ARPC1A: variants seen among roughly 807,000 people sequenced by gnomAD.
ARPC1A encodes the protein actin related protein 2/3 complex subunit 1A, also known as actin-related protein 2/3 complex subunit 1A.
ARPC1A carries 8 observed loss-of-function variants against 46.9 expected under a neutral mutation model. The ratio of observed to expected loss-of-function variants is 0.17; its 90% confidence interval spans 0.10 to 0.31. ARPC1A has a LOEUF of 0.31. ARPC1A is among the 10% of genes least tolerant of loss of function. The pLI, the probability that ARPC1A is intolerant of heterozygous loss-of-function variation, is 1.00. For missense variants in ARPC1A, 286 were observed against 483.6 expected (o/e 0.59, Z 3.83); for synonymous variants, 152 against 169.0 (o/e 0.90, Z 0.78).
chr7:99,361,019 C>T (rs1284662646), intron 8 of ARPC1A, among the ~76,000 whole-genome samples: 8 of 151,438 alleles, frequency 5.3e-5, no homozygotes, highest in African/African-American at 1.9e-4. Flanking sequence ...GAGTTGGGTC[C>T]CATGGGATTT....
At position 99,352,916 on chromosome 7, in the gene ARPC1A, A is replaced by T. The variant is rs575114201; in HGVS notation, c.501-993A>T. ...GAGGCGGAGGTTGTGGTGAGCCAGG[A>T]TCATGCCATTGCACTCCAGCCTGGG... On this transcript the variant is annotated intron_variant, in intron 5 of 9. Coordinates refer to ENST00000262942, the MANE Select transcript of ARPC1A (RefSeq NM_006409.4). 3.3e-5 allele frequency among the ~76,000 whole-genome samples: 5 copies of T among 151,918 alleles called. No homozygotes were observed. The South Asian group carries it at 8.3e-4, about 25-fold the overall frequency.
At chr7:99,326,862 A>G (rs952942707) in intron 1 of ARPC1A, among the ~76,000 whole-genome samples, 1 of 152,208 alleles carries the variant, frequency 6.6e-6, no homozygotes, top group African/African-American at 2.4e-5. Context: ...CTTGAAGACC[A>G]GAATGGTGTC....
At chr7:99,332,249 A>C (rs1160525205) in intron 1 of ARPC1A, among the ~76,000 whole-genome samples, 9 of 152,188 alleles carry the variant, frequency 5.9e-5, no homozygotes, top group Non-Finnish European at 1.2e-4. Flanking sequence ...TTGTGTTGGC[A>C]TAATTATTAT....
chr7:99,364,534 A>G (rs983475415), intron 9 of ARPC1A, among the ~76,000 whole-genome samples: 1 of 152,024 alleles, frequency 6.6e-6, no homozygotes, highest in African/African-American at 2.4e-5. Context: ...AGCCTCCCCA[A>G]GTGCCAGGAT....
intron 3 of ARPC1A, among the ~76,000 whole-genome samples, chr7:99,338,687 A>G (rs1013903816): frequency 1.3e-5 from 2 of 151,976 alleles, no homozygotes; most frequent in African/African-American, 4.8e-5. Context: ...CCTGGCCCGT[A>G]ATATTTAAAG....
chr7:99,340,184 A>T (rs1289063298), intron 3 of ARPC1A, among the ~76,000 whole-genome samples: 1 of 151,476 alleles, frequency 6.6e-6, no homozygotes, highest in African/African-American at 2.4e-5. Flanking sequence ...TTGTTTTGAG[A>T]TGGAGTGTCA....
chr7:99,353,814 G>T (rs1793586844), intron 5 of ARPC1A, 95 bp from the exon 6 acceptor site: 4 of 1,229,432 alleles, frequency 3.3e-6, no homozygotes, highest in African/African-American at 1.5e-5. Context: ...CAACCTCTTT[G>T]CATTCTGAGA....
At chr7:99,363,485 T>C in intron 8 of ARPC1A, 58 bp from the exon 9 acceptor site, 1 of 1,236,744 alleles carries the variant, frequency 8.1e-7, no homozygotes, top group East Asian at 2.3e-5. Flanking sequence ...TAGTCAGGAA[T>C]GTTTGTGTTC....
chr7:99,330,063 T>TA (rs549591360), intron 1 of ARPC1A, among the ~76,000 whole-genome samples: 2,355 of 143,854 alleles, frequency 0.016, 39 homozygotes, highest in African/African-American at 0.045. Flanking sequence ...GAAGTTCTTG[T>TA]AAAAAAAAAA....
At chr7:99,336,850 C>A (rs1052071220) in intron 2 of ARPC1A, among the ~76,000 whole-genome samples, 1 of 151,962 alleles carries the variant, frequency 6.6e-6, no homozygotes, top group South Asian at 2.1e-4. Context: ...GGCTGGGCAT[C>A]GTGGCTCATG....
chr7:99,364,783 C>T (rs192947039), intron 9 of ARPC1A, among the ~76,000 whole-genome samples: 1 of 152,258 alleles, frequency 6.6e-6, no homozygotes, highest in Admixed American at 6.5e-5. Flanking sequence ...TAGTACATAT[C>T]TCCTGGGTGC....
At chr7:99,339,449 A>G (rs187714851) in intron 3 of ARPC1A, among the ~76,000 whole-genome samples, 165 of 152,254 alleles carry the variant, frequency 1.1e-3, no homozygotes, top group South Asian at 2.1e-3. Flanking sequence ...GGACCACTTG[A>G]GACAAGATCA....
chr7:99,348,431 G>T (rs1186146617), intron 4 of ARPC1A, among the ~76,000 whole-genome samples: 2 of 152,188 alleles, frequency 1.3e-5, no homozygotes, highest in African/African-American at 4.8e-5. Flanking sequence ...TGTCAGCTGG[G>T]CGTAGTGGCT....
At chr7:99,364,429 C>T (rs1266517676) in intron 9 of ARPC1A, among the ~76,000 whole-genome samples, 3 of 151,984 alleles carry the variant, frequency 2.0e-5, no homozygotes, top group African/African-American at 7.3e-5. Flanking sequence ...TGTGCCACCA[C>T]GCCCAGCTAA....
rs374501061 is a variant in ARPC1A, at chr7:99,348,827, C to T, written c.393-25C>T. On this transcript the variant is annotated intron_variant, in intron 4 of 9. Transcript: ENST00000262942. ...TGGGGATGCTGGTTGAGTGGATAAA[C>T]TGAAACAGTTTTCCCCTCTCATAGG... 3.1e-6 allele frequency: 5 copies of T among 1,598,584 alleles called. No individual in the cohort carries two copies. The Admixed American group carries it at 8.4e-5, about 27-fold the overall frequency.
intron 5 of ARPC1A, among the ~76,000 whole-genome samples, chr7:99,350,002 C>G (rs1010952619): frequency 1.3e-5 from 2 of 152,120 alleles, no homozygotes; most frequent in Non-Finnish European, 2.9e-5. Context: ...CAGAGTAAGA[C>G]TCCATCTCAA....
intron 5 of ARPC1A, 25 bp downstream of exon 5, chr7:99,348,984 A>C: frequency 6.3e-7 from 1 of 1,578,638 alleles, no homozygotes; most frequent in Non-Finnish European, 8.7e-7. Context: ...GAACTGATAA[A>C]CTTGAGCCGT....
At chr7:99,338,140 G>GC (rs1793287721) in intron 2 of ARPC1A, 41 bp from the exon 3 acceptor site, 2 of 1,456,024 alleles carry the variant, frequency 1.4e-6, no homozygotes, top group Non-Finnish European at 1.9e-6. Context: ...GGTGACAATT[G>GC]CAAGTTCAGG....
intron 2 of ARPC1A, among the ~76,000 whole-genome samples, chr7:99,334,053 T>G (rs1413106725): frequency 6.6e-6 from 1 of 150,462 alleles, no homozygotes; most frequent in Non-Finnish European, 1.5e-5. Context: ...TTTTTTTTTT[T>G]GAGACAGAGT....
Sources: gnomAD v4.1 joint callset for allele counts (sites outside exome capture counted in the v4.1 genomes callset) on GRCh38, gnomAD v4.1.1 for gene constraint, MANE v1.5 for transcripts, NCBI Gene and HGNC (gene_info 2026-07-23, HGNC 2026-07-21) for gene names.